Variants in LRRIQ1 observed in about 807,000 individuals in gnomAD.
LRRIQ1 encodes leucine-rich repeat- and IQ domain-containing protein 1.
LRRIQ1 carries 210 observed loss-of-function variants against 211.9 expected under a neutral mutation model. The observed-to-expected ratio is 0.99, with a 90% CI of 0.89 to 1.11. The LOEUF (loss-of-function observed/expected upper bound fraction) is 1.11. Among genes scored for constraint, LRRIQ1 ranks in the 50% most tolerant of loss-of-function variants. The pLI is 0.00. For synonymous variants in LRRIQ1, 699 were observed against 650.1 expected, an observed-to-expected ratio of 1.08 and a Z score of -1.14; for missense variants, 2,136 against 1,939.5, an observed-to-expected ratio of 1.10 and a Z score of -1.90.
intron 19 of LRRIQ1, among the ~76,000 whole-genome samples, chr12:85,149,953 T>C (rs1890130896): frequency 6.6e-6 from 1 of 151,904 alleles, no homozygotes; most frequent in Admixed American, 6.6e-5. Context: ...CCAGACTTTA[T>C]GTAGCCTTTC....
chr12:85,140,276 C>T (rs1341072538), intron 19 of LRRIQ1, among the ~76,000 whole-genome samples: 2 of 151,234 alleles, frequency 1.3e-5, no homozygotes, highest in Non-Finnish European at 3.0e-5. Context: ...GTCAGTTTCT[C>T]TTCTTTCTGA....
At chr12:85,159,004 C>T (rs1362452264) in intron 23 of LRRIQ1, among the ~76,000 whole-genome samples, 1 of 151,748 alleles carries the variant, frequency 6.6e-6, no homozygotes, top group Non-Finnish European at 1.5e-5. Flanking sequence ...ATGTTTCTTA[C>T]TTCTTATAAT....
chr12:85,151,065 A>T (rs927604925), intron 19 of LRRIQ1, among the ~76,000 whole-genome samples: 8 of 151,502 alleles, frequency 5.3e-5, no homozygotes, highest in Non-Finnish European at 1.0e-4. Flanking sequence ...TCTTGAATTT[A>T]TTCCTCTCAT....
In LRRIQ1 at chr12:85,244,824, C is replaced by T. The variant is rs970631715; in HGVS notation, c.5052C>T (p.Asp1684=). The T allele has an allele frequency of 6.2e-7, 1 of 1,611,316 alleles. No homozygotes were observed. Among genetic ancestry groups the T allele is most frequent in the African/African-American group, 1.3e-5 (1 of 74,754 alleles). Residue 1684 remains aspartate, a synonymous_variant, in exon 27 of 27, where the codon GAC becomes GAT. Coordinates refer to ENST00000393217, the MANE Select transcript of LRRIQ1 (RefSeq NM_001079910.2). Reference sequence around the variant, plus strand: ...TAAGCAGAGAAGACACGGATTTAGACCTTTTTTCCATGACCAATGGAAGTG... The same window carrying T: ...TAAGCAGAGAAGACACGGATTTAGATCTTTTTTCCATGACCAATGGAAGTG... The part of the protein sequence containing the change: ...RLVSREDTDL[D]LFSMTNGSAL...
rs1021344396 is a variant in LRRIQ1 at position 85,038,021 on chromosome 12, T to C, written c.-24-132T>C. On this transcript the variant is annotated intron_variant, in intron 1 of 26. Transcript: ENST00000393217. ...ATTGAAGAGATAAAACAATGTTTGG[T>C]GTAACCATAATAAGGTGTGATAAAA... The C allele has an allele frequency of 1.6e-5, 7 of 450,820 alleles. No individual in the cohort carries two copies. In the East Asian group the frequency reaches 2.8e-4, roughly 18 times the overall value. 27.9% of individuals were successfully genotyped at this position (450,820 alleles called of 1,614,324 possible).
intron 15 of LRRIQ1, among the ~76,000 whole-genome samples, chr12:85,120,221 G>A (rs1192675350): frequency 6.6e-6 from 1 of 152,142 alleles, no homozygotes; most frequent in East Asian, 1.9e-4. Context: ...TGTGAAGGGT[G>A]TAGTCTGTCT....
At chr12:85,199,082 G>T (rs1893162929) in intron 24 of LRRIQ1, among the ~76,000 whole-genome samples, 1 of 152,070 alleles carries the variant, frequency 6.6e-6, no homozygotes, top group South Asian at 2.1e-4. Context: ...TCCGTTGATA[G>T]TTTATTTTGC....
intron 11 of LRRIQ1, among the ~76,000 whole-genome samples, chr12:85,090,463 A>T (rs896691407): frequency 6.6e-6 from 1 of 152,194 alleles, no homozygotes; most frequent in Non-Finnish European, 1.5e-5. Flanking sequence ...ACCTCTGGGG[A>T]TAAACCCGGT....
At chr12:85,158,346 T>C (rs1004668566) in intron 23 of LRRIQ1, among the ~76,000 whole-genome samples, 19 of 151,918 alleles carry the variant, frequency 1.3e-4, no homozygotes, top group Admixed American at 1.1e-3. Context: ...AATTAGTAAA[T>C]AGTACTCCTT....
chr12:85,228,399 A>G (rs1160197207), intron 24 of LRRIQ1, among the ~76,000 whole-genome samples: 1 of 152,188 alleles, frequency 6.6e-6, no homozygotes, highest in African/African-American at 2.4e-5. Flanking sequence ...TGTTCCTCTA[A>G]TTGTAGCAAC....
chr12:85,072,800 T>A (rs1048654511), intron 10 of LRRIQ1, 107 bp from the exon 11 acceptor site: 2 of 655,016 alleles, frequency 3.1e-6, no homozygotes, highest in South Asian at 5.7e-5. Context: ...TAGATTTAGG[T>A]TTTATTTTTT....
intron 6 of LRRIQ1, 134 bp downstream of exon 6, chr12:85,047,604 C>T: frequency 2.9e-6 from 2 of 695,244 alleles, no homozygotes; most frequent in Non-Finnish European, 4.8e-6. Flanking sequence ...AAGAAATTGA[C>T]TGTGAATTAA....
intron 7 of LRRIQ1, among the ~76,000 whole-genome samples, chr12:85,053,145 G>GA (rs915063060): frequency 6.6e-6 from 1 of 151,338 alleles, no homozygotes; most frequent in Admixed American, 6.6e-5. Context: ...GCACAGAGAA[G>GA]AAAAAAAATT....
At chr12:85,162,026 G>A (rs1256878452) in intron 24 of LRRIQ1, among the ~76,000 whole-genome samples, 1 of 151,118 alleles carries the variant, frequency 6.6e-6, no homozygotes, top group African/African-American at 2.4e-5. Flanking sequence ...GCGACAGAGC[G>A]AGACTCCACC....
At chr12:85,205,078 C>T (rs116088010) in intron 24 of LRRIQ1, among the ~76,000 whole-genome samples, 1,751 of 152,142 alleles carry the variant, frequency 0.012, 33 homozygotes, top group African/African-American at 0.041. Flanking sequence ...ATAAGTCTCA[C>T]GAGGTCTGAT....
chr12:85,272,688 A>C, the LRRIQ1 span, among the ~76,000 whole-genome samples: 98 of 152,196 alleles, frequency 6.4e-4, 1 homozygote, highest in Admixed American at 3.2e-3. Flanking sequence ...TTGTGCGTTC[A>C]TGAAGTTTTG....
At chr12:85,062,008 A>G (rs1051135676) in intron 8 of LRRIQ1, among the ~76,000 whole-genome samples, 1 of 151,824 alleles carries the variant, frequency 6.6e-6, no homozygotes, top group African/African-American at 2.4e-5. Context: ...ATTTACTTAC[A>G]TAAATATGTA....
At chr12:85,110,552 A>T (rs1175447466) in intron 15 of LRRIQ1, among the ~76,000 whole-genome samples, 2 of 152,126 alleles carry the variant, frequency 1.3e-5, no homozygotes, top group Non-Finnish European at 2.9e-5. Context: ...TAACTCTTAG[A>T]GTTTTTGTGT....
chr12:85,198,994 A>G (rs892926716), intron 24 of LRRIQ1, among the ~76,000 whole-genome samples: 3 of 152,048 alleles, frequency 2.0e-5, no homozygotes, highest in Non-Finnish European at 2.9e-5. Flanking sequence ...TAAGTTCCTT[A>G]TAGGTTCTGG....
Sources: gnomAD v4.1 joint callset for allele counts (sites outside exome capture counted in the v4.1 genomes callset) on GRCh38, gnomAD v4.1.1 for gene constraint, MANE v1.5 for transcripts, NCBI Gene and HGNC (gene_info 2026-07-23, HGNC 2026-07-21) for gene names.